ATP9B: variants seen among roughly 807,000 people sequenced by gnomAD.
ATP9B encodes the protein probable phospholipid-transporting ATPase IIB.
Under a neutral mutation model 146.1 loss-of-function variants are expected in ATP9B, and 110 were observed. That is an observed-to-expected ratio of 0.75 (90% CI 0.65 to 0.88). The LOEUF is 0.88. Ranked by LOEUF, ATP9B falls within the 40% of genes least tolerant of loss-of-function variation. ATP9B has a pLI of 0.00. For missense variants in ATP9B, 1,499 were observed against 1,496.4 expected (o/e 1.00, Z -0.03); for synonymous variants, 604 against 569.7 (o/e 1.06, Z -0.86).
At chr18:79,231,799 T>TACACAC (rs1187605702) in intron 11 of ATP9B, among the ~76,000 whole-genome samples, 1 of 98,026 alleles carries the variant, frequency 1.0e-5, no homozygotes, top group African/African-American at 3.9e-5. Context: ...TATATATATA[T>TACACAC]ATATACACAC....
intron 11 of ATP9B, among the ~76,000 whole-genome samples, chr18:79,215,250 C>T (rs1474207745): frequency 6.6e-6 from 1 of 151,466 alleles, no homozygotes; most frequent in African/African-American, 2.4e-5. Context: ...AGTAACATAT[C>T]ACCAACCCTA....
chr18:79,165,832 A>G (rs942876009), intron 7 of ATP9B, among the ~76,000 whole-genome samples: 1 of 152,162 alleles, frequency 6.6e-6, no homozygotes, highest in Non-Finnish European at 1.5e-5. Context: ...CCGAAGCCCA[A>G]TTCCTGACAG....
At chr18:79,374,200 T>G (rs991469496) in intron 28 of ATP9B, 99 bp downstream of exon 28, 3 of 1,380,266 alleles carry the variant, frequency 2.2e-6, no homozygotes, top group Non-Finnish European at 3.0e-6. Context: ...AAGTTGTGGA[T>G]CATGGTAAAA....
intron 2 of ATP9B, among the ~76,000 whole-genome samples, chr18:79,098,721 A>G (rs572428320): frequency 1.3e-5 from 2 of 152,306 alleles, no homozygotes; most frequent in South Asian, 2.1e-4. Context: ...TTAAGTTTAT[A>G]TTTCAATGTT....
intron 25 of ATP9B, 52 bp downstream of exon 25, chr18:79,348,248 GAA>G (rs56654324): frequency 0.16 from 121,527 of 765,984 alleles, 5,131 homozygotes; most frequent in East Asian, 0.28. Context: ...CTTCTATTTT[GAA>G]AAAAAAAAAA....
At chr18:79,129,375 G>A (rs754181602) in intron 5 of ATP9B, among the ~76,000 whole-genome samples, 31 of 152,196 alleles carry the variant, frequency 2.0e-4, no homozygotes, top group Non-Finnish European at 5.9e-5. Context: ...TCTAGGCTCA[G>A]TGCAAGAAGG....
chr18:79,194,836 CAGA>C (rs2095403934), intron 9 of ATP9B, among the ~76,000 whole-genome samples: 1 of 152,070 alleles, frequency 6.6e-6, no homozygotes, highest in South Asian at 2.1e-4. Context: ...GATGGTGCAG[CAGA>C]AGGAGATTGT....
At chr18:79,334,822 TCCCTCCCA>T in intron 17 of ATP9B, among the ~76,000 whole-genome samples, 1 of 108,570 alleles carries the variant, frequency 9.2e-6, no homozygotes, top group Non-Finnish European at 1.9e-5. Context: ...ACCGGTGCCC[TCCCTCCCA>T]CATCTGCCCA....
chr18:79,368,359 C>T (rs1410690853), intron 26 of ATP9B, among the ~76,000 whole-genome samples: 2 of 152,168 alleles, frequency 1.3e-5, no homozygotes, highest in Admixed American at 6.5e-5. Flanking sequence ...CCACTGCACC[C>T]CATCCCTCGG....
In ATP9B at chr18:79,128,904, T is replaced by C. The variant is rs1186683922; in HGVS notation, c.667+2529T>C. ...CAGAGAAAGTCAACCTAGAAACAGT[T>C]GGAAAGCTTTTTCCCCACAATTGTC... On this transcript the variant is annotated intron_variant, in intron 5 of 29. Coordinates refer to ENST00000426216, the MANE Select transcript of ATP9B (RefSeq NM_198531.5). Among the ~76,000 whole-genome samples the C allele has an allele frequency of 2.0e-5, 3 of 152,288 alleles. No individual in the cohort carries two copies. In the East Asian group the frequency reaches 5.8e-4, roughly 30 times the overall value.
chr18:79,154,540 A>C lies in ATP9B; in HGVS notation c.763A>C (p.Thr255Pro). The C allele has an allele frequency of 6.5e-7, 1 of 1,532,268 alleles. No individual in the cohort carries two copies. Among genetic ancestry groups the C allele is most frequent in the Non-Finnish European group, 8.7e-7 (1 of 1,147,494 alleles). 94.9% of individuals were successfully genotyped at this position (1,532,268 alleles called of 1,614,324 possible). A position where few individuals can be genotyped will look rare whatever the true frequency, so the allele number is the denominator to read the frequency against. ...RIPSDMVFLRTSEKAGSCFIR... is the reference protein window; with the variant it reads ...RIPSDMVFLRPSEKAGSCFIR... ...TCCATCGGACATGGTGTTTCTTAGG[A>C]CTTCAGAAAAAGCAGGTATTTTTAC... The change falls in exon 7 of 30, where the codon ACT becomes CCT. Residue 255 changes from threonine to proline, a missense_variant. By Grantham distance (38) the Thr-to-Pro change is conservative. Transcript: ENST00000426216.
chr18:79,295,798 A>G (rs1326430121), intron 13 of ATP9B, among the ~76,000 whole-genome samples: 1 of 152,136 alleles, frequency 6.6e-6, no homozygotes, highest in African/African-American at 2.4e-5. Context: ...CTTAAAAGCA[A>G]GGTCCTAGGG....
chr18:79,347,718 T>C, intron 23 of ATP9B, 52 bp from the exon 24 acceptor site: 1 of 1,487,910 alleles, frequency 6.7e-7, no homozygotes, highest in African/African-American at 1.4e-5. Context: ...TTTTGGAGTC[T>C]GATTTCCAGC....
At chr18:79,213,161 G>A (rs1278223063) in intron 10 of ATP9B, among the ~76,000 whole-genome samples, 1 of 152,046 alleles carries the variant, frequency 6.6e-6, no homozygotes, top group Non-Finnish European at 1.5e-5. Flanking sequence ...TGCACATTAT[G>A]TGTATATACT....
intron 5 of ATP9B, among the ~76,000 whole-genome samples, chr18:79,141,144 C>T (rs1019570012): frequency 2.0e-5 from 3 of 152,104 alleles, no homozygotes; most frequent in Non-Finnish European, 4.4e-5. Flanking sequence ...GGAGTGGTTA[C>T]CCCCATGCTG....
intron 4 of ATP9B, among the ~76,000 whole-genome samples, chr18:79,123,554 C>A: frequency 6.6e-6 from 1 of 150,888 alleles, no homozygotes. Flanking sequence ...AATGTTTTTG[C>A]AGAAATTGAC....
Position 79,206,923 on chromosome 18 carries a change from G to A in ATP9B, c.955-14G>A. On this transcript the variant is annotated splice_polypyrimidine_tract_variant and intron_variant, in intron 9 of 29. Coordinates refer to ENST00000426216, the MANE Select transcript of ATP9B (RefSeq NM_198531.5). ...CATTTGACGGTTTTGTTTTCTTTTTGTCTCCCTGCACAGGAAGACAGTGAC... is the reference window on the plus strand; with the variant it reads ...CATTTGACGGTTTTGTTTTCTTTTTATCTCCCTGCACAGGAAGACAGTGAC... The A allele has an allele frequency of 6.2e-7, 1 of 1,611,850 alleles. No individual in the cohort carries two copies. The highest frequency in any genetic ancestry group is 8.5e-7 in the Non-Finnish European group (1 of 1,178,876).
chr18:79,096,413 A>G, intron 1 of ATP9B, 63 bp from the exon 2 acceptor site: 1 of 1,454,888 alleles, frequency 6.9e-7, no homozygotes, highest in South Asian at 1.2e-5. Context: ...TTGTCCCTAA[A>G]TGAAACACAC....
At chr18:79,212,108 G>T (rs577512022) in intron 10 of ATP9B, among the ~76,000 whole-genome samples, 6 of 152,024 alleles carry the variant, frequency 3.9e-5, no homozygotes, top group African/African-American at 1.4e-4. Flanking sequence ...TTAGCCTATT[G>T]TACTTCATAA....
Sources: allele counts gnomAD v4.1 joint callset (sites outside exome capture counted in the v4.1 genomes callset), GRCh38; gene constraint gnomAD v4.1.1; transcripts MANE v1.5; gene names NCBI Gene and HGNC (gene_info 2026-07-23, HGNC 2026-07-21).